EXT2: variants seen among roughly 807,000 people sequenced by gnomAD.
The protein encoded by EXT2 is exostosin glycosyltransferase 2.
EXT2 carries 53 observed loss-of-function variants against 81.6 expected under a neutral mutation model. The ratio of observed to expected loss-of-function variants is 0.65; its 90% CI spans 0.52 to 0.82. The LOEUF (loss-of-function observed/expected upper bound fraction) is 0.82. Among genes scored for constraint, EXT2 ranks in the 40% least tolerant of loss-of-function variants. EXT2 has a pLI of 0.00. For missense variants in EXT2, 774 were observed against 910.2 expected (o/e 0.85, Z 1.93); for synonymous variants, 320 against 340.0 (o/e 0.94, Z 0.65).
intron 8 of EXT2, among the ~76,000 whole-genome samples, chr11:44,184,181 C>T (rs1289370967): frequency 1.3e-5 from 2 of 152,176 alleles, no homozygotes; most frequent in African/African-American, 2.4e-5. Flanking sequence ...TTAAAAGCTC[C>T]CAAGGGAAAC....
At chr11:44,205,556 A>G (rs1186436735) in intron 9 of EXT2, among the ~76,000 whole-genome samples, 1 of 152,224 alleles carries the variant, frequency 6.6e-6, no homozygotes, top group African/African-American at 2.4e-5. Context: ...AAGACCGTGA[A>G]TACAGGGCCT....
At position 44,238,429 on chromosome 11, in the gene EXT2, G is replaced by T. The variant is rs376856698; in HGVS notation, c.2018+2054G>T. On this transcript the variant is annotated intron_variant, in intron 13 of 13. Transcript: ENST00000533608. ...ACTCCTGGCCTCAAGGTATCCTCTC[G>T]CCTGGGGCTCCCAAAGTGCTGGGAT... 4.6e-5 allele frequency among the ~76,000 whole-genome samples: 7 copies of T among 152,160 alleles called. No individual in the cohort carries two copies. In the East Asian group the frequency reaches 7.8e-4, roughly 17 times the overall value.
intron 10 of EXT2, among the ~76,000 whole-genome samples, chr11:44,226,202 T>G (rs1955836628): frequency 6.6e-6 from 1 of 152,030 alleles, no homozygotes; most frequent in Non-Finnish European, 1.5e-5. Context: ...CTGGAGCAAA[T>G]GGGAATGCTG....
At chr11:44,222,276 C>T (rs1232751182) in intron 10 of EXT2, among the ~76,000 whole-genome samples, 1 of 152,120 alleles carries the variant, frequency 6.6e-6, no homozygotes, top group Non-Finnish European at 1.5e-5. Context: ...ACAACCACGG[C>T]CACTAAATAT....
At chr11:44,198,802 C>T (rs1955488997) in intron 9 of EXT2, among the ~76,000 whole-genome samples, 1 of 152,180 alleles carries the variant, frequency 6.6e-6, no homozygotes, top group Non-Finnish European at 1.5e-5. Context: ...AGTTTATTGC[C>T]TGACAGTAGT....
At chr11:44,206,726 A>G in intron 9 of EXT2, 67 bp from the exon 10 acceptor site, 2 of 1,554,342 alleles carry the variant, frequency 1.3e-6, no homozygotes, top group African/African-American at 1.4e-5. Flanking sequence ...TTGTGATGTC[A>G]TGCTTTTACT....
intron 4 of EXT2, among the ~76,000 whole-genome samples, chr11:44,119,171 C>CGT (rs1555004316): frequency 1.1e-4 from 2 of 17,842 alleles, no homozygotes; most frequent in Non-Finnish European, 3.5e-4. Flanking sequence ...TATATATATA[C>CGT]ACATACACAC....
At chr11:44,100,084 C>T (rs778672320) in intron 1 of EXT2, among the ~76,000 whole-genome samples, 5 of 152,138 alleles carry the variant, frequency 3.3e-5, no homozygotes, top group Non-Finnish European at 7.4e-5. Context: ...GTGTGTTCTC[C>T]GTGCTTCTCC....
chr11:44,183,398 T>A (rs954841042), intron 8 of EXT2, among the ~76,000 whole-genome samples: 1 of 152,216 alleles, frequency 6.6e-6, no homozygotes, highest in Non-Finnish European at 1.5e-5. Context: ...ATTCTCTATC[T>A]TCTCAAATAA....
chr11:44,119,175 TACAC>T (rs151028121), intron 4 of EXT2, among the ~76,000 whole-genome samples: 3 of 105,726 alleles, frequency 2.8e-5, no homozygotes, highest in East Asian at 3.5e-4. Context: ...TATATACACA[TACAC>T]ACACACACAC....
intron 8 of EXT2, among the ~76,000 whole-genome samples, chr11:44,193,635 G>A (rs573037175): frequency 1.3e-5 from 2 of 152,304 alleles, no homozygotes; most frequent in Admixed American, 6.5e-5. Flanking sequence ...AACCCTGGTG[G>A]TGTGTTCTAC....
At chr11:44,234,034 C>T (rs142790340) in intron 11 of EXT2, 81 bp from the exon 12 acceptor site, 1 of 1,596,578 alleles carries the variant, frequency 6.3e-7, no homozygotes, top group Non-Finnish European at 8.6e-7. Flanking sequence ...TGTCCCCATG[C>T]CTTGGCTATG....
intron 10 of EXT2, among the ~76,000 whole-genome samples, chr11:44,228,415 T>G (rs1379061190): frequency 6.6e-6 from 1 of 152,142 alleles, no homozygotes; most frequent in Non-Finnish European, 1.5e-5. Context: ...TGGGTAGCCA[T>G]GAAGAGACAG....
At chr11:44,156,907 C>T (rs1954862749) in intron 7 of EXT2, among the ~76,000 whole-genome samples, 1 of 152,192 alleles carries the variant, frequency 6.6e-6, no homozygotes, top group Non-Finnish European at 1.5e-5. Context: ...GTGTTGTGAT[C>T]TAAATCTTGG....
At chr11:44,228,903 G>A (rs147857594) in intron 10 of EXT2, among the ~76,000 whole-genome samples, 55 of 152,186 alleles carry the variant, frequency 3.6e-4, no homozygotes, top group African/African-American at 1.3e-3. Context: ...AGAATCCCTA[G>A]GGAAAGCGAT....
chr11:44,223,332 ATGTT>A (rs1955802432), intron 10 of EXT2, among the ~76,000 whole-genome samples: 1 of 152,264 alleles, frequency 6.6e-6, no homozygotes, highest in African/African-American at 2.4e-5. Flanking sequence ...CTATATGTGA[ATGTT>A]TGTAGCAGCT....
chr11:44,207,365 G>T (rs1564976387), intron 10 of EXT2, among the ~76,000 whole-genome samples: 1 of 152,246 alleles, frequency 6.6e-6, no homozygotes, highest in Non-Finnish European at 1.5e-5. Context: ...AGACCCTGTT[G>T]ATGGCTTTCT....
At chr11:44,129,609 A>G (rs562658603) in intron 6 of EXT2, among the ~76,000 whole-genome samples, 2 of 152,378 alleles carry the variant, frequency 1.3e-5, no homozygotes, top group South Asian at 4.1e-4. Context: ...CCATAAATAT[A>G]TGCCAGATAA....
chr11:44,223,703 T>G (rs1283120698), intron 10 of EXT2, among the ~76,000 whole-genome samples: 1 of 145,026 alleles, frequency 6.9e-6, no homozygotes, highest in Non-Finnish European at 1.5e-5. Flanking sequence ...GGCGACAGAG[T>G]GTAGTGGCGT....
Sources: gnomAD v4.1 joint callset for allele counts (sites outside exome capture counted in the v4.1 genomes callset) on GRCh38, gnomAD v4.1.1 for gene constraint, MANE v1.5 for transcripts, NCBI Gene and HGNC (gene_info 2026-07-23, HGNC 2026-07-21) for gene names.